Variants in DCC observed in about 807,000 individuals in gnomAD.
The protein encoded by DCC is DCC netrin 1 receptor.
DCC carries 58 observed loss-of-function variants against 172.5 expected under a neutral mutation model. That is an observed-to-expected ratio of 0.34 (90% CI 0.27 to 0.42). The LOEUF is 0.42. Among genes scored for constraint, DCC ranks in the 10% least tolerant of loss-of-function variants. DCC has a pLI of 1.00. For synonymous variants in DCC, 709 were observed against 644.5 expected (o/e 1.10, Z -1.52); for missense variants, 1,740 against 1,791.0 (o/e 0.97, Z 0.51).
At chr18:53,207,248 A>C (rs998397611) in intron 10 of DCC, among the ~76,000 whole-genome samples, 2 of 152,166 alleles carry the variant, frequency 1.3e-5, no homozygotes, top group Middle Eastern at 3.2e-3. Flanking sequence ...ATTGTGGCAA[A>C]GTGTCTGACA....
rs961962489 is a variant in DCC, at chr18:53,272,701, G to A, written c.1912-32877G>A. On this transcript the variant is annotated intron_variant, in intron 12 of 28. Transcript: ENST00000442544. ...GTTGTAAGCATTGCAATGTAATTTC[G>A]TATATTTTTCAAAATCTCATTGTAA... Among the ~76,000 whole-genome samples, 16 of 152,170 alleles carry A rather than the reference G, an allele frequency of 1.1e-4. No homozygotes were observed. The East Asian group carries it at 1.4e-3, about 13-fold the overall frequency.
At chr18:53,263,012 T>C (rs2056624196) in intron 12 of DCC, among the ~76,000 whole-genome samples, 1 of 152,166 alleles carries the variant, frequency 6.6e-6, no homozygotes, top group African/African-American at 2.4e-5. Flanking sequence ...CAATGAAAGT[T>C]CCAATAAGAA....
chr18:52,644,588 A>C (rs2034974750), intron 1 of DCC, among the ~76,000 whole-genome samples: 1 of 151,114 alleles, frequency 6.6e-6, no homozygotes, highest in African/African-American at 2.4e-5. Context: ...CAAAAAAAAA[A>C]AAAAAAAATT....
chr18:52,952,430 A>C (rs549101932), intron 5 of DCC, among the ~76,000 whole-genome samples: 2 of 152,286 alleles, frequency 1.3e-5, no homozygotes, highest in South Asian at 4.2e-4. Context: ...AAATGTGTGG[A>C]GGGAGAAGAC....
chr18:52,775,745 G>A (rs529559797), intron 2 of DCC, among the ~76,000 whole-genome samples: 2 of 152,286 alleles, frequency 1.3e-5, no homozygotes, highest in South Asian at 4.1e-4. Flanking sequence ...TCCTCTTGAC[G>A]TCTGGCCGCC....
chr18:52,345,100 G>C (rs1381860878), intron 1 of DCC, among the ~76,000 whole-genome samples: 1 of 152,114 alleles, frequency 6.6e-6, no homozygotes, highest in Non-Finnish European at 1.5e-5. Context: ...CTCTGTTTTG[G>C]TATTTGCTAC....
At chr18:53,433,792 A>C (rs1422883527) in intron 21 of DCC, among the ~76,000 whole-genome samples, 1 of 152,144 alleles carries the variant, frequency 6.6e-6, no homozygotes, top group African/African-American at 2.4e-5. Flanking sequence ...ACACACACAT[A>C]GGAGCCTGCA....
chr18:53,047,900 G>A (rs1267236772), intron 5 of DCC, among the ~76,000 whole-genome samples: 1 of 132,888 alleles, frequency 7.5e-6, no homozygotes, highest in Non-Finnish European at 1.5e-5. Context: ...GTTTTCCTTC[G>A]AGATGTGTGT....
At chr18:52,629,949 CAAAAAAAA>C (rs540334133) in intron 1 of DCC, among the ~76,000 whole-genome samples, 8 of 40,902 alleles carry the variant, frequency 2.0e-4, no homozygotes, top group South Asian at 1.2e-3. Context: ...GACTCCGTCT[CAAAAAAAA>C]AAAAAAAAAA....
At chr18:52,926,916 T>TATGTATATATACAC (rs1555682723) in intron 5 of DCC, among the ~76,000 whole-genome samples, 69 of 136,648 alleles carry the variant, frequency 5.0e-4, no homozygotes, top group African/African-American at 1.5e-3. Flanking sequence ...TATATACGTA[T>TATGTATATATACAC]ACATATATAT....
intron 21 of DCC, among the ~76,000 whole-genome samples, chr18:53,429,551 T>C (rs1403200967): frequency 6.6e-6 from 1 of 152,080 alleles, no homozygotes; most frequent in Non-Finnish European, 1.5e-5. Flanking sequence ...TCATATTTTA[T>C]GGCCTAAATA....
chr18:53,128,868 C>CATATAT (rs1461421322), intron 7 of DCC, among the ~76,000 whole-genome samples: 53 of 57,420 alleles, frequency 9.2e-4, no homozygotes, highest in Middle Eastern at 8.2e-3. Flanking sequence ...CACACACACA[C>CATATAT]ACATATATAT....
chr18:53,322,013 ACTTT>A lies in DCC; in HGVS notation c.2054-30_2054-27del. 2.5e-6 allele frequency: 3 copies of A among 1,199,296 alleles called. No individual in the cohort carries two copies. In the South Asian group the frequency reaches 3.6e-5, roughly 14 times the overall value. 74.3% of individuals were successfully genotyped at this position (1,199,296 alleles called of 1,614,324 possible). A position where few individuals can be genotyped will look rare whatever the true frequency, so the allele number is the denominator to read the frequency against. Reference sequence around the variant, plus strand: ...AGGTAGGAATACTTGGTGCATAGTAACTTTCTTCCCCCCTGTGGAAAATTCTTTC... The same window carrying A: ...AGGTAGGAATACTTGGTGCATAGTAACTTCCCCCCTGTGGAAAATTCTTTC... On this transcript the variant is annotated intron_variant, in intron 13 of 28. Transcript: ENST00000442544.
At chr18:52,978,357 A>G (rs1038146166) in intron 5 of DCC, among the ~76,000 whole-genome samples, 1 of 152,210 alleles carries the variant, frequency 6.6e-6, no homozygotes, top group African/African-American at 2.4e-5. Flanking sequence ...GAAGTGGGCA[A>G]CACCTTGAAC....
At chr18:52,670,671 C>A (rs1250323565) in intron 1 of DCC, among the ~76,000 whole-genome samples, 1 of 152,102 alleles carries the variant, frequency 6.6e-6, no homozygotes. Flanking sequence ...GAAACCCCAT[C>A]TCTACTAAAA....
intron 2 of DCC, among the ~76,000 whole-genome samples, chr18:52,890,038 G>A (rs1001590248): frequency 1.3e-5 from 2 of 152,026 alleles, no homozygotes; most frequent in African/African-American, 4.8e-5. Context: ...ATGAAAATAT[G>A]GTATCTGTAC....
In DCC at chr18:52,416,179, A is replaced by G. The variant is rs368795650; in HGVS notation, c.91+75301A>G. ...TTGTTCAGTTTCCATGTAGTTGAGC[A>G]GTTTTGAGTGAGTTTCTTAATCCTG... On this transcript the variant is annotated intron_variant, in intron 1 of 28. Transcript: ENST00000442544. Among the ~76,000 whole-genome samples, 73 of 152,010 alleles carry G rather than the reference A, an allele frequency of 4.8e-4. 2 individuals carry two copies. The highest frequency in any genetic ancestry group is 2.1e-4 in the South Asian group (1 of 4,808).
intron 5 of DCC, among the ~76,000 whole-genome samples, chr18:53,033,135 A>C (rs914287394): frequency 6.6e-6 from 1 of 152,124 alleles, no homozygotes; most frequent in African/African-American, 2.4e-5. Context: ...AGAAATAAGA[A>C]TGTTGTGGGT....
At chr18:53,279,900 C>A (rs893194901) in intron 12 of DCC, among the ~76,000 whole-genome samples, 3 of 151,944 alleles carry the variant, frequency 2.0e-5, no homozygotes, top group Admixed American at 1.3e-4. Flanking sequence ...TGCACATAGA[C>A]ACAAAGACTA....
Sources: allele counts gnomAD v4.1 joint callset (sites outside exome capture counted in the v4.1 genomes callset), GRCh38; gene constraint gnomAD v4.1.1; transcripts MANE v1.5; gene names NCBI Gene and HGNC (gene_info 2026-07-23, HGNC 2026-07-21).